The following CSF3R variants were observed in gnomAD, a reference collection of about 807,000 sequenced individuals.
CSF3R encodes granulocyte colony-stimulating factor receptor.
A neutral mutation model predicts 84.4 loss-of-function variants in CSF3R; 52 were observed. The ratio of observed to expected loss-of-function variants is 0.62; its 90% CI spans 0.49 to 0.78. The LOEUF is 0.78. Ranked by LOEUF, CSF3R falls within the 30% of genes least tolerant of loss-of-function variation. The pLI is 0.00. For synonymous variants in CSF3R, 384 were observed against 429.1 expected (o/e 0.89, Z 1.30); for missense variants, 890 against 1,055.7 (o/e 0.84, Z 2.17).
chr1:36,469,647 C>G lies in CSF3R; in HGVS notation c.1474+5G>C. ...GCCCTGCCCAACTTTCCAGGCCAGC[C>G]TCACCCTTCAGCAGAAACCCCGTGG... On this transcript the variant is annotated splice_donor_5th_base_variant and intron_variant, in intron 11 of 16. Coordinates refer to ENST00000373106, the MANE Select transcript of CSF3R (RefSeq NM_000760.4). 6.2e-7 allele frequency: 1 copy of G among 1,613,996 alleles called. No homozygotes were observed. The highest frequency in any genetic ancestry group is 8.5e-7 in the Non-Finnish European group (1 of 1,180,050).
chr1:36,467,861 T>A lies in CSF3R; in HGVS notation c.1825A>T (p.Thr609Ser), dbSNP rs1325003992. The A allele has an allele frequency of 1.2e-6, 2 of 1,614,110 alleles. No individual in the cohort carries two copies. Among genetic ancestry groups the A allele is most frequent in the African/African-American group, 2.7e-5 (2 of 74,938 alleles). ...ATCAGGGTGAGGACTGTACTGTTGG[T>A]GGCCCCAGCCTGGCTGGCAGCCATG... Reference protein sequence around the residue: ...HLMAASQAGATNSTVLTLMTL... With the variant: ...HLMAASQAGASNSTVLTLMTL... The change falls in exon 14 of 17, where the codon ACC (threonine) becomes TCC (serine). Residue 609 changes from threonine (T) to serine (S), a missense_variant. By Grantham distance (58) the Thr-to-Ser change is moderately conservative. Transcript: ENST00000373106. This position sits in a 1 kb window ranked among gnomAD's most constrained non-coding sequence, Gnocchi z 4.1.
Position 36,467,167 on chromosome 1 carries a change from G to A in CSF3R, c.2040+63C>T. On this transcript the variant is annotated intron_variant, in intron 16 of 16. Transcript: ENST00000373106. The surrounding 1 kb of genome is among the most constrained non-coding windows in gnomAD (Gnocchi z 4.1). The stretch of plus-strand genomic sequence containing the variant: ...GCCTGAGTACTTGGCTTCAGAAGGT[G>A]TCCCTTCACTGAGCCTGGGCCGACA... 3 of 1,545,972 alleles carry A rather than the reference G, an allele frequency of 1.9e-6. No individual in the cohort carries two copies. The Admixed American group carries it at 5.0e-5, about 26-fold the overall frequency.
In CSF3R at chr1:36,479,322, T is replaced by G. The variant is rs1013267027; in HGVS notation, c.64+111A>C. 2.7e-6 allele frequency: 3 copies of G among 1,092,840 alleles called. No individual in the cohort carries two copies. The African/African-American group carries it at 4.7e-5, about 17-fold the overall frequency. 67.7% of individuals were successfully genotyped at this position (1,092,840 alleles called of 1,614,324 possible). On this transcript the variant is annotated intron_variant, in intron 3 of 16. Coordinates refer to ENST00000373106, the MANE Select transcript of CSF3R (RefSeq NM_000760.4). ...ACATCTGTGGCTCAGACTTGAATCT[T>G]GTGGGATTCTCTGGGAATCCCAGGA...
chr1:36,474,000 T>G, intron 4 of CSF3R, 113 bp from the exon 5 acceptor site: 1 of 1,495,388 alleles, frequency 6.7e-7, no homozygotes, highest in East Asian at 2.3e-5. Flanking sequence ...TGTTGTCACC[T>G]TGTCTGTCCC....
At chr1:36,477,828 G>A (rs769102432) in intron 3 of CSF3R, among the ~76,000 whole-genome samples, 2 of 151,550 alleles carry the variant, frequency 1.3e-5, no homozygotes. Flanking sequence ...GCGTGATCTC[G>A]GCTTACTGCA....
Position 36,473,015 on chromosome 1 carries a change from T to G in CSF3R, c.674-329A>C, listed in dbSNP as rs977980921. ...ACCAGCATATTAAAATAGCCAGTGC[T>G]CCCCTTCCCCCCTCTCTCTCTATGC... On this transcript the variant is annotated intron_variant, in intron 6 of 16. Transcript: ENST00000373106. 1.2e-5 allele frequency: 5 copies of G among 413,804 alleles called. No homozygotes were observed. In the East Asian group the frequency reaches 2.2e-4, roughly 18 times the overall value. The allele number at this position is 413,804 out of a possible 1,614,324, so 25.6% of individuals were successfully genotyped here.
intron 2 of CSF3R, among the ~76,000 whole-genome samples, 165 bp downstream of exon 2, chr1:36,481,311 TCA>T (rs1651504443): frequency 6.6e-6 from 1 of 152,202 alleles, no homozygotes; most frequent in African/African-American, 2.4e-5. Flanking sequence ...CTGCTTGGCC[TCA>T]GTCTCTGGTC....
At chr1:36,474,955 C>G (rs544742556) in intron 4 of CSF3R, among the ~76,000 whole-genome samples, 2 of 152,182 alleles carry the variant, frequency 1.3e-5, no homozygotes, top group Admixed American at 6.5e-5. Context: ...TGATATCATG[C>G]CCATAAAGTG....
At chr1:36,482,774 C>T (rs1042807941) in intron 1 of CSF3R, 37 bp downstream of exon 1, 1 of 152,400 alleles carries the variant, frequency 6.6e-6, no homozygotes, top group Non-Finnish European at 1.5e-5. Context: ...TCCATCAAGC[C>T]CAAGGCTCAG....
At chr1:36,476,631 T>G (rs1362660578) in intron 3 of CSF3R, among the ~76,000 whole-genome samples, 1 of 151,668 alleles carries the variant, frequency 6.6e-6, no homozygotes, top group East Asian at 1.9e-4. Context: ...GTTTTTTTTT[T>G]TTTGTTGTTG....
chr1:36,482,220 A>T lies in CSF3R; in HGVS notation c.-81+591T>A, dbSNP rs1042913272. ...ATCCACACAGACTGAAACGACAGAG[A>T]GACTCGCCAAGAGGACGATTGAGGC... On this transcript the variant is annotated intron_variant, in intron 1 of 16. Transcript: ENST00000373106. Among the ~76,000 whole-genome samples, 76 of 151,650 alleles carry T rather than the reference A, an allele frequency of 5.0e-4. 1 individual carries two copies. Among genetic ancestry groups the T allele is most frequent in the Admixed American group, 2.2e-3 (33 of 15,228 alleles).
intron 6 of CSF3R, chr1:36,473,200 C>T (rs181826856): frequency 5.7e-5 from 33 of 581,976 alleles, no homozygotes; most frequent in Admixed American, 1.5e-4. Context: ...TTAGGAAACA[C>T]GCTGAAAGCA....
intron 10 of CSF3R, 62 bp downstream of exon 10, chr1:36,471,371 A>T: frequency 6.7e-7 from 1 of 1,497,584 alleles, no homozygotes; most frequent in Middle Eastern, 1.8e-4. Context: ...TAACCCAGGC[A>T]GTCTAGCCTT....
chr1:36,475,729 A>G, intron 3 of CSF3R, 56 bp from the exon 4 acceptor site: 4 of 1,543,110 alleles, frequency 2.6e-6, no homozygotes, highest in South Asian at 1.2e-5. Context: ...GAGCTGGGCT[A>G]TAATCTAGGC....
In CSF3R at chr1:36,467,000, C is replaced by T. The variant is rs1650366976; in HGVS notation, c.2041-173G>A. ...GTTCCTCACACATGCCTGACACATG[C>T]CATGCACCGTTCAGACTCAGCATGG... On this transcript the variant is annotated intron_variant, in intron 16 of 16. Coordinates refer to ENST00000373106, the MANE Select transcript of CSF3R (RefSeq NM_000760.4). The surrounding 1 kb of genome is among the most constrained non-coding windows in gnomAD (Gnocchi z 4.6). 6.7e-7 allele frequency: 1 copy of T among 1,498,912 alleles called. No individual in the cohort carries two copies. The highest frequency in any genetic ancestry group is 9.1e-7 in the Non-Finnish European group (1 of 1,093,948). 92.9% of individuals were successfully genotyped at this position (1,498,912 alleles called of 1,614,324 possible).
rs746747614 is a variant in CSF3R, at chr1:36,466,674, C to G, written c.2194G>C (p.Asp732His). The change falls in exon 17 of 17, where the codon GAC becomes CAC. Residue 732 changes from aspartate (D) to histidine (H), a missense_variant. Physicochemically the swap from Asp to His is moderately conservative, Grantham distance 81. Transcript: ENST00000373106. This position sits in a 1 kb window ranked among gnomAD's most constrained non-coding sequence, Gnocchi z 4.6. ...TLVQTYVLQG[D>H]PRAVSTQPQS... ...GGCTGGGTGGAAACTGCTCTTGGGT[C>G]CCCCTGGAGCACATAGGTCTGGACC... The G allele has an allele frequency of 1.2e-6, 2 of 1,614,168 alleles. No homozygotes were observed. Among genetic ancestry groups the G allele is most frequent in the Non-Finnish European group, 8.5e-7 (1 of 1,180,026 alleles).
At chr1:36,474,604 T>C (rs548196409) in intron 4 of CSF3R, among the ~76,000 whole-genome samples, 97 of 152,054 alleles carry the variant, frequency 6.4e-4, no homozygotes, top group Non-Finnish European at 1.2e-3. Context: ...TGTGAGCCAC[T>C]GCACCTGGCC....
intron 13 of CSF3R, 56 bp downstream of exon 13, chr1:36,468,019 C>T: frequency 6.2e-7 from 1 of 1,614,232 alleles, no homozygotes. Flanking sequence ...TCCGTGGCAG[C>T]TGAGCACCCC....
chr1:36,482,095 G>C (rs1313993727), intron 1 of CSF3R: 1 of 152,546 alleles, frequency 6.6e-6, no homozygotes, highest in Non-Finnish European at 1.5e-5. Flanking sequence ...GGGAGGAGGG[G>C]GCTGGGAATA....
Sources: gnomAD v4.1 joint callset for allele counts (sites outside exome capture counted in the v4.1 genomes callset) on GRCh38, gnomAD v4.1.1 for gene constraint, Gnocchi (gnomAD v3.1) non-coding constraint, MANE v1.5 for transcripts, NCBI Gene and HGNC (gene_info 2026-07-23, HGNC 2026-07-21) for gene names.